The following TCP11L2 variants were observed in gnomAD, a reference collection of about 807,000 sequenced individuals.
The protein encoded by TCP11L2 is T-complex protein 11-like protein 2.
Under a neutral mutation model 50.7 loss-of-function variants are expected in TCP11L2, and 39 were observed. The observed-to-expected ratio is 0.77, with a 90% CI of 0.60 to 1.01. The LOEUF is 1.01. Ranked by LOEUF, TCP11L2 falls within the 50% of genes least tolerant of loss-of-function variation. The pLI is 0.00. For synonymous variants in TCP11L2, 192 were observed against 219.3 expected (o/e 0.88, Z 1.10); for missense variants, 612 against 614.7 (o/e 1.00, Z 0.05).
upstream of TCP11L2, among the ~76,000 whole-genome samples, chr12:106,302,336 C>G (rs1267508317): frequency 2.5e-5 from 3 of 121,726 alleles, no homozygotes; most frequent in South Asian, 8.7e-4. Flanking sequence ...GCTCAGCCCC[C>G]GCTCAGCCCC....
At chr12:106,302,675 G>A (rs11112933), upstream of TCP11L2, 53,951 of 151,538 alleles carry the variant, frequency 0.36, 9,916 homozygotes, top group African/African-American at 0.41. Flanking sequence ...CTCGGCTTTC[G>A]GAGACTGAAG....
intron 1 of TCP11L2, 56 bp from the exon 2 acceptor site, chr12:106,310,982 TTGG>T: frequency 1.4e-6 from 2 of 1,431,054 alleles, no homozygotes; most frequent in Non-Finnish European, 1.9e-6. Context: ...GGAAGAAGCA[TTGG>T]TGGTGCCTGT....
At chr12:106,305,823 A>T (rs752174321) in intron 1 of TCP11L2, among the ~76,000 whole-genome samples, 1 of 152,198 alleles carries the variant, frequency 6.6e-6, no homozygotes, top group African/African-American at 2.4e-5. Context: ...AACAGCAGGT[A>T]TGAGTGCCCC....
chr12:106,324,673 T>A (rs2035476371), intron 6 of TCP11L2: 1 of 152,158 alleles, frequency 6.6e-6, no homozygotes, highest in Admixed American at 6.5e-5. Context: ...CAGATGGTAA[T>A]GGTGGAAGGA....
intron 6 of TCP11L2, chr12:106,329,641 G>A (rs1025270388): frequency 7.8e-7 from 1 of 1,285,022 alleles, no homozygotes; most frequent in South Asian, 2.2e-5. Context: ...TCTAAAGTCA[G>A]CCAGGATTGA....
At chr12:106,309,541 C>G (rs980163903) in intron 1 of TCP11L2, among the ~76,000 whole-genome samples, 3 of 151,944 alleles carry the variant, frequency 2.0e-5, no homozygotes, top group Non-Finnish European at 4.4e-5. Flanking sequence ...CTTATTAGAT[C>G]CCTCTCAGAC....
intron 3 of TCP11L2, among the ~76,000 whole-genome samples, chr12:106,314,857 T>C (rs948645426): frequency 3.3e-5 from 5 of 151,534 alleles, no homozygotes; most frequent in Non-Finnish European, 5.9e-5. Flanking sequence ...AATAAAAATA[T>C]TATCCAGCAT....
chr12:106,311,346 C>A, intron 2 of TCP11L2, 114 bp downstream of exon 2: 1 of 1,234,602 alleles, frequency 8.1e-7, no homozygotes, highest in Non-Finnish European at 1.1e-6. Flanking sequence ...TTTCTAGATG[C>A]ACCAGAATAG....
chr12:106,333,893 C>T (rs762267650), intron 6 of TCP11L2, among the ~76,000 whole-genome samples: 3 of 152,022 alleles, frequency 2.0e-5, no homozygotes, highest in Non-Finnish European at 4.4e-5. Context: ...CCCACTTGCT[C>T]GTTCTACAAA....
rs546875787 is a variant in TCP11L2 at position 106,327,420 on chromosome 12, C to T, written c.772+3774C>T. ...TGTTGCTCAGGCTGGTCTCTAACTACTGGCTTCTTCCTGCCTCTCAACTTG... is the reference window on the plus strand; with the variant it reads ...TGTTGCTCAGGCTGGTCTCTAACTATTGGCTTCTTCCTGCCTCTCAACTTG... On this transcript the variant is annotated intron_variant, in intron 6 of 9. Coordinates refer to ENST00000299045, the MANE Select transcript of TCP11L2 (RefSeq NM_152772.3). 2.6e-5 allele frequency among the ~76,000 whole-genome samples: 4 copies of T among 152,282 alleles called. No individual in the cohort carries two copies. In the East Asian group the frequency reaches 7.7e-4, roughly 29 times the overall value.
At chr12:106,328,658 T>C (rs1391775684) in intron 6 of TCP11L2, among the ~76,000 whole-genome samples, 1 of 152,250 alleles carries the variant, frequency 6.6e-6, no homozygotes. Flanking sequence ...TTTGAATTTT[T>C]CAGTTTTGTG....
At chr12:106,317,913 G>T (rs1020690317) in intron 3 of TCP11L2, among the ~76,000 whole-genome samples, 1 of 152,208 alleles carries the variant, frequency 6.6e-6, no homozygotes, top group Non-Finnish European at 1.5e-5. Context: ...AAGTTGGCAG[G>T]CATTCAAATG....
chr12:106,318,478 T>C lies in TCP11L2; in HGVS notation c.414+14T>C. On this transcript the variant is annotated intron_variant, in intron 4 of 9. Coordinates refer to ENST00000299045, the MANE Select transcript of TCP11L2 (RefSeq NM_152772.3). Reference sequence around the variant, plus strand: ...GAAATCAGAGAGGCAAGTTGCTTTGTTGTCTGTGTCAGTTAGCGTCTTACT... The same window carrying C: ...GAAATCAGAGAGGCAAGTTGCTTTGCTGTCTGTGTCAGTTAGCGTCTTACT... 1 of 1,612,922 alleles carries C rather than the reference T, an allele frequency of 6.2e-7. No individual in the cohort carries two copies. Among genetic ancestry groups the C allele is most frequent in the Non-Finnish European group, 8.5e-7 (1 of 1,179,184 alleles).
intron 4 of TCP11L2, among the ~76,000 whole-genome samples, chr12:106,320,367 C>T (rs192217790): frequency 4.0e-5 from 6 of 151,564 alleles, no homozygotes; most frequent in African/African-American, 7.3e-5. Flanking sequence ...CACTGCACTC[C>T]GGCCTGGTGA....
At chr12:106,345,987 A>G (rs2036218664) in intron 9 of TCP11L2, among the ~76,000 whole-genome samples, 1 of 152,322 alleles carries the variant, frequency 6.6e-6, no homozygotes, top group African/African-American at 2.4e-5. Flanking sequence ...TAGACGGTGG[A>G]CATGAACAAG....
intron 2 of TCP11L2, among the ~76,000 whole-genome samples, chr12:106,311,570 G>A (rs1015521467): frequency 1.7e-4 from 26 of 152,116 alleles, no homozygotes; most frequent in African/African-American, 5.3e-4. Flanking sequence ...AATTCAAATT[G>A]GTCTTTTCTG....
upstream of TCP11L2, chr12:106,301,910 A>G (rs1193318391): frequency 6.6e-6 from 1 of 152,268 alleles, no homozygotes; most frequent in African/African-American, 2.4e-5. Flanking sequence ...TAGAGGAAGT[A>G]AGACGCTTTA....
chr12:106,302,373 C>G (rs2034443681), upstream of TCP11L2, among the ~76,000 whole-genome samples: 1 of 95,382 alleles, frequency 1.0e-5, no homozygotes, highest in African/African-American at 5.1e-5. Context: ...AGCCCCCGCT[C>G]AGCCCCCGCT....
intron 9 of TCP11L2, among the ~76,000 whole-genome samples, chr12:106,342,996 C>G (rs1410112621): frequency 6.6e-6 from 1 of 152,222 alleles, no homozygotes; most frequent in Admixed American, 6.5e-5. Flanking sequence ...TCCAACTTTC[C>G]TGTCCTTTTG....
Sources: gnomAD v4.1 joint callset for allele counts (sites outside exome capture counted in the v4.1 genomes callset) on GRCh38, gnomAD v4.1.1 for gene constraint, MANE v1.5 for transcripts, NCBI Gene and HGNC (gene_info 2026-07-23, HGNC 2026-07-21) for gene names.